The following DNAH9 variants were observed in gnomAD, a reference collection of about 807,000 sequenced individuals.
DNAH9 encodes the protein DNAH9 variant protein.
Under a neutral mutation model 471.6 loss-of-function variants are expected in DNAH9, and 345 were observed. The ratio of observed to expected loss-of-function variants is 0.73; its 90% CI spans 0.67 to 0.80. DNAH9 has a LOEUF of 0.80. Ranked by LOEUF, DNAH9 falls within the 30% of genes least tolerant of loss-of-function variation. The probability of loss-of-function intolerance (pLI) is 0.00; values close to 1 mark genes in which losing one functional copy is unlikely to be tolerated. For missense variants in DNAH9, 5,407 were observed against 5,609.2 expected (o/e 0.96, Z 1.15); for synonymous variants, 2,093 against 2,123.6 (o/e 0.99, Z 0.40).
Position 11,949,420 on chromosome 17 carries a change from G to A in DNAH9, c.12843+6935G>A, listed in dbSNP as rs569603347. On this transcript the variant is annotated intron_variant, in intron 67 of 68. Coordinates refer to ENST00000262442, the MANE Select transcript of DNAH9 (RefSeq NM_001372.4). Reference sequence around the variant, plus strand: ...CTGTTAAACAGGATTCAGGCCAGAGGAGTTTAGGAAACTGGTTGAATTAAC... The same window carrying A: ...CTGTTAAACAGGATTCAGGCCAGAGAAGTTTAGGAAACTGGTTGAATTAAC... Among the ~76,000 whole-genome samples, 4 of 152,014 alleles carry A rather than the reference G, an allele frequency of 2.6e-5. No homozygotes were observed. In the East Asian group the frequency reaches 7.7e-4, roughly 29 times the overall value.
chr17:11,912,708 T>A (rs184884137), intron 61 of DNAH9, among the ~76,000 whole-genome samples: 176 of 152,322 alleles, frequency 1.2e-3, no homozygotes, highest in African/African-American at 4.0e-3. Context: ...TGGACTCAAT[T>A]TGCTAACATT....
chr17:11,738,790 CTGTG>C lies in DNAH9; in HGVS notation c.5815-85_5815-82del, dbSNP rs2075391496. 6 of 1,129,602 alleles carry C rather than the reference CTGTG, an allele frequency of 5.3e-6. 1 individual carries two copies. The South Asian group carries it at 8.2e-5, about 15-fold the overall frequency. The allele number at this position is 1,129,602 out of a possible 1,614,324, so 70.0% of individuals were successfully genotyped here. On this transcript the variant is annotated intron_variant, in intron 28 of 68. Coordinates refer to ENST00000262442, the MANE Select transcript of DNAH9 (RefSeq NM_001372.4). ...AGGGTCCACAGGACAGTTCTTCGTG[CTGTG>C]TGTGACTACAGGGTTCCAGCTTTAG...
In DNAH9 at chr17:11,669,458, A is replaced by G. The variant is rs1490254311; in HGVS notation, c.3017A>G (p.Tyr1006Cys). The change falls in exon 17 of 69, where the codon TAT becomes TGT. Residue 1006 changes from tyrosine to cysteine, a missense_variant. Around this residue, in one of 3 missense-constraint regions of DNAH9, gnomAD observed 4,636 missense variants for 4,900.3 expected, o/e 0.95. Transcript: ENST00000262442. ...AGAATGATGGGCCTCTGCTGTGGCTATCAGAGCACCTTCAGCCAGTATTCG... is the reference window on the plus strand; with the variant it reads ...AGAATGATGGGCCTCTGCTGTGGCTGTCAGAGCACCTTCAGCCAGTATTCG... ...VQRMMGLCCG[Y>C]QSTFSQYSYL... The G allele has an allele frequency of 1.9e-6, 3 of 1,613,962 alleles. No individual in the cohort carries two copies. Among genetic ancestry groups the G allele is most frequent in the Admixed American group, 3.3e-5 (2 of 60,004 alleles).
chr17:11,635,285 G>A (rs2073139876), intron 8 of DNAH9, among the ~76,000 whole-genome samples: 1 of 150,652 alleles, frequency 6.6e-6, no homozygotes, highest in South Asian at 2.1e-4. Context: ...TCATGCCTCA[G>A]CTTCTCGAGT....
intron 67 of DNAH9, among the ~76,000 whole-genome samples, chr17:11,955,827 AC>A (rs1278005524): frequency 6.6e-6 from 1 of 152,186 alleles, no homozygotes; most frequent in Non-Finnish European, 1.5e-5. Flanking sequence ...AGACCCCAGC[AC>A]CCAAGGATTT....
chr17:11,623,278 T>C lies in DNAH9; in HGVS notation c.1350+3497T>C, dbSNP rs140897384. Among the ~76,000 whole-genome samples the C allele has an allele frequency of 1.1e-3, 165 of 152,024 alleles. 1 individual carries two copies. Among genetic ancestry groups the C allele is most frequent in the South Asian group, 2.5e-3 (12 of 4,814 alleles). On this transcript the variant is annotated intron_variant, in intron 6 of 68. Coordinates refer to ENST00000262442, the MANE Select transcript of DNAH9 (RefSeq NM_001372.4). This position sits in a 1 kb window ranked among gnomAD's most constrained non-coding sequence, Gnocchi z 4.1. ...TGTGAGCCACCGTGCCCGGCCAGCA[T>C]TTCTTTTCTTGACTGTGTTTCCCTC...
At position 11,821,929 on chromosome 17, in the gene DNAH9, C is replaced by G; in HGVS notation, c.8717C>G (p.Pro2906Arg). 6.8e-6 allele frequency: 11 copies of G among 1,611,596 alleles called. No homozygotes were observed. Among genetic ancestry groups the G allele is most frequent in the Non-Finnish European group, 9.3e-6 (11 of 1,179,256 alleles). The stretch of plus-strand genomic sequence containing the variant: ...CTCCATTTTTTCCCAGGGGAGATCC[C>G]AGATCTCTACTCTGATGATGAAGTT... Reference protein sequence around the residue: ...INDLLASGEIPDLYSDDEVEN... With the variant: ...INDLLASGEIRDLYSDDEVEN... The change falls in exon 46 of 69, where the codon CCA becomes CGA. Residue 2906 changes from proline (P) to arginine (R), a missense_variant. This residue lies in a region of DNAH9 where 4,636 missense variants were observed against 4,900.3 expected (regional missense o/e 0.95). Coordinates refer to ENST00000262442, the MANE Select transcript of DNAH9 (RefSeq NM_001372.4).
intron 50 of DNAH9, among the ~76,000 whole-genome samples, chr17:11,865,089 C>T (rs373996509): frequency 2.0e-5 from 3 of 152,030 alleles, no homozygotes; most frequent in Non-Finnish European, 4.4e-5. Flanking sequence ...TTATTTTGCT[C>T]GTTAGTTGAT....
At position 11,608,269 on chromosome 17, in the gene DNAH9, G is replaced by T; in HGVS notation, c.558G>T (p.Leu186=). 1 of 1,613,654 alleles carries T rather than the reference G, an allele frequency of 6.2e-7. No homozygotes were observed. The highest frequency in any genetic ancestry group is 8.5e-7 in the Non-Finnish European group (1 of 1,179,842). Residue 186 remains leucine, a synonymous_variant, in exon 2 of 69, where the codon CTG becomes CTT. Transcript: ENST00000262442. ...ILEQVKGKTL[L]PLPAGSEKME... ...AGCAAGTGAAGGGAAAAACTTTGCT[G>T]CCTCTTCCAGCAGGCTCAGAAAAAA...
intron 49 of DNAH9, among the ~76,000 whole-genome samples, chr17:11,849,771 A>G (rs1195379940): frequency 1.3e-5 from 2 of 152,144 alleles, no homozygotes; most frequent in Non-Finnish European, 2.9e-5. Flanking sequence ...AATATCAAAG[A>G]TCTATCTCTT....
chr17:11,871,334 A>G (rs1329456946), intron 51 of DNAH9, among the ~76,000 whole-genome samples: 1 of 152,236 alleles, frequency 6.6e-6, no homozygotes, highest in Non-Finnish European at 1.5e-5. Context: ...ATTAAGTGGT[A>G]TCAGTCTCCA....
At chr17:11,850,549 G>A (rs1971378756) in intron 49 of DNAH9, among the ~76,000 whole-genome samples, 2 of 152,000 alleles carry the variant, frequency 1.3e-5, no homozygotes, top group Non-Finnish European at 2.9e-5. Flanking sequence ...AATTTGGGAG[G>A]CTGAGGCAGG....
intron 61 of DNAH9, among the ~76,000 whole-genome samples, chr17:11,923,083 G>GTT (rs200066582): frequency 0.19 from 28,399 of 151,150 alleles, 2,736 homozygotes; most frequent in East Asian, 0.28. Flanking sequence ...TTTTTGTTTT[G>GTT]TTTTGTTTTG....
chr17:11,767,805 T>C (rs1023807650), intron 36 of DNAH9, among the ~76,000 whole-genome samples: 1 of 152,168 alleles, frequency 6.6e-6, no homozygotes, highest in South Asian at 2.1e-4. Context: ...GCAAATTATA[T>C]GCTTCTACCT....
At position 11,652,789 on chromosome 17, in the gene DNAH9, C is replaced by CTACTGAAATCA; in HGVS notation, c.2382_2383insTACTGAAATCA (p.Ser795TyrfsTer2). The CTACTGAAATCA allele has an allele frequency of 6.2e-7, 1 of 1,613,378 alleles. No homozygotes were observed. The highest frequency in any genetic ancestry group is 2.2e-5 in the East Asian group (1 of 44,876). ...TTTGCGATTATGTCACTGAAATCAC[C>CTACTGAAATCA]AGTAGTATTCATGATCTTGAACAAA... On this transcript the variant is annotated stop_gained and frameshift_variant, in exon 14 of 69. Transcript: ENST00000262442. LOFTEE classifies it high-confidence loss of function.
intron 31 of DNAH9, among the ~76,000 whole-genome samples, chr17:11,747,133 T>C (rs912525918): frequency 1.3e-5 from 2 of 152,216 alleles, no homozygotes; most frequent in Admixed American, 6.5e-5. Flanking sequence ...TTCTAAGTTG[T>C]GGGGACTTGT....
chr17:11,938,226 A>G (rs961145485), intron 66 of DNAH9, among the ~76,000 whole-genome samples: 2 of 151,948 alleles, frequency 1.3e-5, no homozygotes, highest in Non-Finnish European at 2.9e-5. Flanking sequence ...TTGGGAGGCC[A>G]AGGCGGGCAG....
chr17:11,810,381 C>G lies in DNAH9; in HGVS notation c.8707+12C>G. ...TCTTTTGGCATCTGGTAAGAGATTC[C>G]TTGCACTTGGTGTCACTGATAAATT... On this transcript the variant is annotated intron_variant, in intron 45 of 68. Transcript: ENST00000262442. 3 of 1,608,086 alleles carry G rather than the reference C, an allele frequency of 1.9e-6. No individual in the cohort carries two copies. Among genetic ancestry groups the G allele is most frequent in the Non-Finnish European group, 2.5e-6 (3 of 1,177,878 alleles).
chr17:11,787,132 G>T (rs79280280), intron 41 of DNAH9, among the ~76,000 whole-genome samples: 1 of 152,144 alleles, frequency 6.6e-6, no homozygotes, highest in Admixed American at 6.5e-5. Context: ...GTAGCCCACC[G>T]GGCCAGAGTA....
Sources: gnomAD v4.1 joint callset for allele counts (sites outside exome capture counted in the v4.1 genomes callset) on GRCh38, gnomAD v4.1.1 for gene constraint, gnomAD v4.1.1 regional missense constraint, Gnocchi (gnomAD v3.1) non-coding constraint, MANE v1.5 for transcripts, NCBI Gene and HGNC (gene_info 2026-07-23, HGNC 2026-07-21) for gene names.